Variants in EIF2A observed in about 807,000 individuals in gnomAD.
EIF2A encodes eukaryotic translation initiation factor 2A.
A neutral mutation model predicts 75.2 loss-of-function variants in EIF2A; 62 were observed. That is an observed-to-expected ratio of 0.82 (90% CI 0.67 to 1.02). The LOEUF (loss-of-function observed/expected upper bound fraction) is 1.02, where lower values mean the gene tolerates loss of function less well. Among genes scored for constraint, EIF2A ranks in the 50% least tolerant of loss-of-function variants. EIF2A has a pLI of 0.00. For synonymous variants in EIF2A, 207 were observed against 239.0 expected (o/e 0.87, Z 1.23); for missense variants, 611 against 677.7 (o/e 0.90, Z 1.09).
chr3:150,583,814 C>T, intron 13 of EIF2A, 32 bp from the exon 14 acceptor site: 7 of 1,595,836 alleles, frequency 4.4e-6, no homozygotes, highest in Non-Finnish European at 6.0e-6. Flanking sequence ...GTAATTATTT[C>T]ATAATAACTT....
chr3:150,558,259 G>T, intron 2 of EIF2A, 129 bp from the exon 3 acceptor site: 1 of 758,686 alleles, frequency 1.3e-6, no homozygotes, highest in South Asian at 2.1e-5. Context: ...AAAGCATTTT[G>T]GAATTTTCTG....
chr3:150,575,625 A>C, intron 10 of EIF2A, 24 bp from the exon 11 acceptor site: 1 of 1,576,010 alleles, frequency 6.3e-7, no homozygotes, highest in Non-Finnish European at 8.6e-7. Context: ...ACTCCATTTC[A>C]AAATTATTTT....
chr3:150,558,439 G>A lies in EIF2A; in HGVS notation c.150G>A (p.Leu50=), dbSNP rs757290547. The A allele has an allele frequency of 5.9e-6, 9 of 1,519,248 alleles. No individual in the cohort carries two copies. The highest frequency in any genetic ancestry group is 1.7e-4 in the Middle Eastern group (1 of 5,888). 94.1% of individuals were successfully genotyped at this position (1,519,248 alleles called of 1,614,324 possible). A position where few individuals can be genotyped will look rare whatever the true frequency, so the allele number is the denominator to read the frequency against. Residue 50 remains leucine (L), a synonymous_variant, in exon 3 of 14, where the codon TTG becomes TTA. Coordinates refer to ENST00000460851, the MANE Select transcript of EIF2A (RefSeq NM_032025.5). ...KVCIFSKDGT[L]FAWGNGEKVN... ...GTATCTTTAGTAAGGATGGGACCTT[G>A]TTTGCCTGGGGCAATGGAGAAAAGT...
intron 12 of EIF2A, among the ~76,000 whole-genome samples, chr3:150,582,335 G>A (rs1350645454): frequency 6.9e-6 from 1 of 145,610 alleles, no homozygotes; most frequent in African/African-American, 2.5e-5. Flanking sequence ...TTTTTTTTGA[G>A]ACAGAGTCTT....
chr3:150,572,565 TTA>T, intron 10 of EIF2A, 36 bp downstream of exon 10: 5 of 1,553,990 alleles, frequency 3.2e-6, no homozygotes, highest in Non-Finnish European at 4.3e-6. Flanking sequence ...AGAAAAAAGT[TTA>T]TTTTGGGCCA....
Position 150,575,651 on chromosome 3 carries a change from T to G in EIF2A, c.1386T>G (p.His462Gln). ...RNKPITNSKL[H>Q]EEEPPQNMKP... is the part of the protein sequence containing the mutation. The stretch of plus-strand genomic sequence containing the variant: ...AAATTATTTTACATTTTCCATAGCA[T>G]GAAGAGGAACCACCTCAGAATATGA... The change falls in exon 11 of 14, where the codon CAT (histidine) becomes CAG (glutamine). Residue 462 changes from histidine (H) to glutamine (Q), a missense_variant and splice_region_variant. By Grantham distance (24) the His-to-Gln change is conservative. Transcript: ENST00000460851. 4 of 1,604,702 alleles carry G rather than the reference T, an allele frequency of 2.5e-6. No homozygotes were observed. Among genetic ancestry groups the G allele is most frequent in the South Asian group, 1.1e-5 (1 of 88,812 alleles).
chr3:150,551,536 C>A (rs192308274), intron 1 of EIF2A, among the ~76,000 whole-genome samples: 1 of 151,204 alleles, frequency 6.6e-6, no homozygotes, highest in Admixed American at 6.6e-5. Flanking sequence ...AGTTAGAGAT[C>A]AGCCTGGGCA....
In EIF2A at chr3:150,584,164, A is replaced by G. The variant is rs1216698062; in HGVS notation, c.*253A>G. On this transcript the variant is annotated 3_prime_UTR_variant, in exon 14 of 14. Coordinates refer to ENST00000460851, the MANE Select transcript of EIF2A (RefSeq NM_032025.5). The stretch of plus-strand genomic sequence containing the variant: ...CGTGAATTTTTTAGCTAAGCTTGAC[A>G]GATTGAAAGACAAGTGTCATTTTTT... 2.9e-6 allele frequency: 1 copy of G among 343,568 alleles called. No individual in the cohort carries two copies. The highest frequency in any genetic ancestry group is 4.9e-5 in the East Asian group (1 of 20,596). 21.3% of individuals were successfully genotyped at this position (343,568 alleles called of 1,614,324 possible).
chr3:150,554,830 C>T lies in EIF2A; in HGVS notation c.98+2405C>T, dbSNP rs1202889564. 2.0e-5 allele frequency among the ~76,000 whole-genome samples: 3 copies of T among 152,314 alleles called. No individual in the cohort carries two copies. The East Asian group carries it at 5.8e-4, about 29-fold the overall frequency. ...GAAGCATGGGCCCAACCAAGACCAA[C>T]TATATTGGCATCACTCCTGAGCCAG... On this transcript the variant is annotated intron_variant, in intron 2 of 13. Transcript: ENST00000460851.
At chr3:150,567,858 ATTC>A (rs1724271664) in intron 7 of EIF2A, 41 bp from the exon 8 acceptor site, 1 of 1,580,054 alleles carries the variant, frequency 6.3e-7, no homozygotes, top group Admixed American at 2.0e-5. Flanking sequence ...CTCAGTTTTT[ATTC>A]TTCAAAAAAT....
intron 1 of EIF2A, among the ~76,000 whole-genome samples, chr3:150,547,841 ATCT>A (rs1472722941): frequency 1.3e-5 from 2 of 152,208 alleles, no homozygotes; most frequent in Non-Finnish European, 2.9e-5. Context: ...GCCGAGTATA[ATCT>A]TCTAGATAAT....
intron 11 of EIF2A, among the ~76,000 whole-genome samples, chr3:150,577,477 A>G (rs563143632): frequency 9.9e-5 from 15 of 152,208 alleles, no homozygotes; most frequent in African/African-American, 3.6e-4. Context: ...AGTAACTAGG[A>G]CTGTACATGT....
intron 2 of EIF2A, among the ~76,000 whole-genome samples, chr3:150,557,372 C>T (rs1723620639): frequency 6.6e-6 from 1 of 152,030 alleles, no homozygotes; most frequent in Admixed American, 6.6e-5. Flanking sequence ...TGGGGAACAT[C>T]TTGATCATAG....
Position 150,583,244 on chromosome 3 carries a change from A to G in EIF2A, c.1671A>G (p.Gly557=). 2 of 1,613,214 alleles carry G rather than the reference A, an allele frequency of 1.2e-6. No individual in the cohort carries two copies. Among genetic ancestry groups the G allele is most frequent in the Non-Finnish European group, 1.7e-6 (2 of 1,179,602 alleles). The change falls in exon 13 of 14, where the codon GGA becomes GGG. Residue 557 remains glycine (G), a synonymous_variant. Coordinates refer to ENST00000460851, the MANE Select transcript of EIF2A (RefSeq NM_032025.5). ...IEQLKEQAAT[G]KQLEKNQLEK... ...AACTGAAAGAACAAGCAGCAACTGG[A>G]AAACAGCTAGAAAAAAATCAGGTAC...
Position 150,564,359 on chromosome 3 carries a change from C to T in EIF2A, c.453C>T (p.His151=). 6.2e-7 allele frequency: 1 copy of T among 1,601,232 alleles called. No individual in the cohort carries two copies. Among genetic ancestry groups the T allele is most frequent in the Non-Finnish European group, 8.5e-7 (1 of 1,174,678 alleles). The change falls in exon 6 of 14, where the codon CAC becomes CAT. Residue 151 remains histidine (H), a synonymous_variant. Transcript: ENST00000460851. ...LCARNVNNEV[H]FFENNNFNTI... ...CCCGCAATGTTAACAATGAAGTTCA[C>T]TTCTTTGAAAACAACAATTTTAGTA...
chr3:150,566,264 C>T (rs968028766), intron 6 of EIF2A: 1 of 152,144 alleles, frequency 6.6e-6, no homozygotes, highest in African/African-American at 2.4e-5. Context: ...TTGTACATTT[C>T]TAACCATTAC....
At chr3:150,560,684 C>T (rs1723800053) in intron 3 of EIF2A, among the ~76,000 whole-genome samples, 1 of 147,452 alleles carries the variant, frequency 6.8e-6, no homozygotes, top group Admixed American at 6.8e-5. Flanking sequence ...AACAAAGTTA[C>T]TTACAGCAAC....
Position 150,584,167 on chromosome 3 carries a change from T to C in EIF2A, c.*256T>C, listed in dbSNP as rs985881060. ...GAATTTTTTAGCTAAGCTTGACAGA[T>C]TGAAAGACAAGTGTCATTTTTTTTT... On this transcript the variant is annotated 3_prime_UTR_variant, in exon 14 of 14. Coordinates refer to ENST00000460851, the MANE Select transcript of EIF2A (RefSeq NM_032025.5). 6 of 340,312 alleles carry C rather than the reference T, an allele frequency of 1.8e-5. No individual in the cohort carries two copies. The highest frequency in any genetic ancestry group is 9.8e-5 in the East Asian group (2 of 20,366). 21.1% of individuals were successfully genotyped at this position (340,312 alleles called of 1,614,324 possible).
chr3:150,562,339 A>C (rs941455161), intron 3 of EIF2A, among the ~76,000 whole-genome samples: 16 of 151,556 alleles, frequency 1.1e-4, no homozygotes, highest in Non-Finnish European at 2.1e-4. Flanking sequence ...GGAGAATGGC[A>C]TGAACCGGGG....
Sources: gnomAD v4.1 joint callset for allele counts (sites outside exome capture counted in the v4.1 genomes callset) on GRCh38, gnomAD v4.1.1 for gene constraint, MANE v1.5 for transcripts, NCBI Gene and HGNC (gene_info 2026-07-23, HGNC 2026-07-21) for gene names.